EZH1: variants seen among roughly 807,000 people sequenced by gnomAD.
EZH1 encodes the protein enhancer of zeste 1 polycomb repressive complex 2 subunit.
In EZH1, 33 loss-of-function variants were observed where a neutral mutation model predicts 100.5. The observed-to-expected ratio is 0.33, with a 90% CI of 0.25 to 0.44. The LOEUF (loss-of-function observed/expected upper bound fraction) is 0.44, where lower values mean the gene tolerates loss of function less well. Ranked by LOEUF, EZH1 falls within the 20% of genes least tolerant of loss-of-function variation. EZH1 has a pLI of 1.00. For synonymous variants in EZH1, 272 were observed against 313.8 expected (o/e 0.87, Z 1.41); for missense variants, 475 against 928.4 (o/e 0.51, Z 6.35).
chr17:42,716,659 A>G (rs1402939956), intron 10 of EZH1, among the ~76,000 whole-genome samples: 1 of 152,152 alleles, frequency 6.6e-6, no homozygotes, highest in African/African-American at 2.4e-5. Flanking sequence ...TTGACATAAC[A>G]TGGCATATAT....
At chr17:42,738,978 C>T (rs1434396418) in intron 1 of EZH1, among the ~76,000 whole-genome samples, 1 of 149,080 alleles carries the variant, frequency 6.7e-6, no homozygotes, top group Non-Finnish European at 1.5e-5. Context: ...GGATGGTCTC[C>T]ATCTCCTGAC....
intron 16 of EZH1, chr17:42,705,795 G>C: frequency 2.2e-6 from 1 of 452,246 alleles, no homozygotes; most frequent in Non-Finnish European, 3.7e-6. Context: ...TGGGATTACA[G>C]GCATGAGCCA....
chr17:42,711,319 C>G (rs1376351565), intron 12 of EZH1, among the ~76,000 whole-genome samples: 1 of 152,126 alleles, frequency 6.6e-6, no homozygotes, highest in East Asian at 1.9e-4. Context: ...ATTACAAATA[C>G]AAAATTAGCC....
At chr17:42,720,504 C>T (rs966925991) in intron 6 of EZH1, 55 bp from the exon 7 acceptor site, 2 of 1,521,292 alleles carry the variant, frequency 1.3e-6, no homozygotes, top group Non-Finnish European at 8.8e-7. Context: ...TCCATTAGTC[C>T]TCCTAGGCAG....
intron 4 of EZH1, among the ~76,000 whole-genome samples, chr17:42,725,077 G>A (rs1383933069): frequency 2.6e-5 from 4 of 151,694 alleles, no homozygotes; most frequent in Non-Finnish European, 5.9e-5. Flanking sequence ...TGAGGCAGGA[G>A]AATTGCTTGA....
At chr17:42,724,577 T>G (rs549902914) in intron 4 of EZH1, 153 bp from the exon 5 acceptor site, 3 of 751,286 alleles carry the variant, frequency 4.0e-6, no homozygotes, top group Non-Finnish European at 6.2e-6. Flanking sequence ...TTGAAGTCAG[T>G]TGGAGACCAG....
intron 15 of EZH1, among the ~76,000 whole-genome samples, chr17:42,707,421 C>T (rs1255172209): frequency 6.6e-6 from 1 of 152,150 alleles, no homozygotes; most frequent in Admixed American, 6.6e-5. Flanking sequence ...ACCACCATGT[C>T]TGGCTAATTT....
chr17:42,742,938 C>T (rs145114285), intron 1 of EZH1, among the ~76,000 whole-genome samples: 8 of 151,760 alleles, frequency 5.3e-5, no homozygotes, highest in Non-Finnish European at 1.0e-4. Flanking sequence ...TGGTGCATGT[C>T]GGCTCACTGC....
rs377349144 is a variant in EZH1, at chr17:42,722,913, T to G, written c.369A>C (p.Val123=). The change falls in exon 6 of 21, where the codon GTA becomes GTC. Residue 123 remains valine (V), a splice_region_variant and synonymous_variant. Transcript: ENST00000428826. ...TATTGCACAAAACCGTCTCATCTTC[T>G]ACCTGAAACCAAACCAGATGTGATT... ...SWSPLQQNFM[V]EDETVLCNIP... is the part of the protein sequence containing the mutation. 1.2e-6 allele frequency: 2 copies of G among 1,613,480 alleles called. No homozygotes were observed. The highest frequency in any genetic ancestry group is 3.3e-5 in the Admixed American group (2 of 59,854).
At chr17:42,704,960 C>G in intron 17 of EZH1, 128 bp downstream of exon 17, 1 of 817,488 alleles carries the variant, frequency 1.2e-6, no homozygotes. Flanking sequence ...GGGATCTCCC[C>G]AAGAGGCCAC....
At chr17:42,703,259 C>T in intron 19 of EZH1, 1 of 347,256 alleles carries the variant, frequency 2.9e-6, no homozygotes, top group Non-Finnish European at 5.4e-6. Flanking sequence ...ATTGCAACCT[C>T]TGCCTCCAGG....
intron 1 of EZH1, among the ~76,000 whole-genome samples, chr17:42,732,716 C>G (rs990834853): frequency 6.6e-6 from 1 of 152,144 alleles, no homozygotes; most frequent in Non-Finnish European, 1.5e-5. Flanking sequence ...CTGCAGTGAG[C>G]CGAGATCGTG....
chr17:42,711,383 G>T (rs530243807), intron 12 of EZH1, among the ~76,000 whole-genome samples: 1 of 152,192 alleles, frequency 6.6e-6, no homozygotes, highest in Non-Finnish European at 1.5e-5. Context: ...TGTGGCAGAA[G>T]AATCACTTGA....
chr17:42,706,901 C>T lies in EZH1; in HGVS notation c.1661-716G>A, dbSNP rs2053364898. 6.6e-6 allele frequency among the ~76,000 whole-genome samples: 1 copy of T among 152,116 alleles called. No individual in the cohort carries two copies. The highest frequency in any genetic ancestry group is 2.4e-5 in the African/African-American group (1 of 41,426). On this transcript the variant is annotated intron_variant, in intron 15 of 20. Transcript: ENST00000428826. The surrounding 1 kb of genome is among the most constrained non-coding windows in gnomAD (Gnocchi z 4.4). ...TATGCCATCCTTCTCCACCCACTGC[C>T]CAACCCAGCGCAACCACTTCTCTGC... is the stretch of plus-strand genomic sequence containing the variant.
At chr17:42,712,764 A>G (rs1448108121) in intron 11 of EZH1, among the ~76,000 whole-genome samples, 1 of 152,046 alleles carries the variant, frequency 6.6e-6, no homozygotes. Flanking sequence ...TTAGCCAGGC[A>G]GGGTGGCTCA....
chr17:42,716,171 AT>A (rs2053601470), intron 10 of EZH1, among the ~76,000 whole-genome samples: 2 of 152,196 alleles, frequency 1.3e-5, no homozygotes, highest in African/African-American at 2.4e-5. Context: ...TGAAAAAAAA[AT>A]TGAATATATT....
intron 1 of EZH1, among the ~76,000 whole-genome samples, chr17:42,744,154 G>C (rs543894325): frequency 6.6e-6 from 1 of 152,070 alleles, no homozygotes; most frequent in South Asian, 2.1e-4. Context: ...CACATTCCAC[G>C]GGGGGCACTA....
Position 42,730,742 on chromosome 17 carries a change from C to T in EZH1, c.-12+86G>A, listed in dbSNP as rs373243853. 1.0e-4 allele frequency: 47 copies of T among 454,992 alleles called. No homozygotes were observed. In the Admixed American group the frequency reaches 1.3e-3, roughly 12 times the overall value. 28.2% of individuals were successfully genotyped at this position (454,992 alleles called of 1,614,324 possible). On this transcript the variant is annotated intron_variant, in intron 2 of 20. Coordinates refer to ENST00000428826, the MANE Select transcript of EZH1 (RefSeq NM_001991.5). ...CGATCTCCTGACCTCGTGATCCGCC[C>T]GCCTTGGCCTCCCAAAGTGCTGGGA... is the stretch of plus-strand genomic sequence containing the variant.
At chr17:42,704,870 T>C (rs1428234054) in intron 17 of EZH1, among the ~76,000 whole-genome samples, 187 bp from the exon 18 acceptor site, 1 of 152,196 alleles carries the variant, frequency 6.6e-6, no homozygotes, top group Non-Finnish European at 1.5e-5. Flanking sequence ...GTTTTAAGGC[T>C]GAAAAGAGCC....
Sources: allele counts gnomAD v4.1 joint callset (sites outside exome capture counted in the v4.1 genomes callset), GRCh38; gene constraint gnomAD v4.1.1; non-coding constraint Gnocchi (gnomAD v3.1); transcripts MANE v1.5; gene names NCBI Gene and HGNC (gene_info 2026-07-23, HGNC 2026-07-21).